Variants in RIMS2 observed in about 807,000 individuals in gnomAD.
RIMS2 encodes regulating synaptic membrane exocytosis protein 2.
In RIMS2, 59 loss-of-function variants were observed where a neutral mutation model predicts 174.4. The ratio of observed to expected loss-of-function variants is 0.34; its 90% CI spans 0.27 to 0.42. The LOEUF (loss-of-function observed/expected upper bound fraction) is 0.42, where lower values mean the gene tolerates loss of function less well. RIMS2 is among the 10% of genes least tolerant of loss of function. RIMS2 has a pLI of 1.00. For missense variants in RIMS2, 1,620 were observed against 1,666.3 expected (o/e 0.97, Z 0.48); for synonymous variants, 606 against 572.5 (o/e 1.06, Z -0.84).
At chr8:103,825,862 T>A (rs1255663548) in intron 3 of RIMS2, among the ~76,000 whole-genome samples, 1 of 152,170 alleles carries the variant, frequency 6.6e-6, no homozygotes, top group Non-Finnish European at 1.5e-5. Context: ...TTTTCTTTAT[T>A]GAAAGAAGTT....
chr8:103,636,786 G>GC (rs1353500438), intron 1 of RIMS2, among the ~76,000 whole-genome samples: 306 of 27,146 alleles, frequency 0.011, 3 homozygotes, highest in South Asian at 0.014. Context: ...ACCCACCCCC[G>GC]CACCCCCCCC....
At chr8:104,166,360 C>G (rs2098798400) in intron 19 of RIMS2, among the ~76,000 whole-genome samples, 1 of 152,010 alleles carries the variant, frequency 6.6e-6, no homozygotes, top group Non-Finnish European at 1.5e-5. Context: ...GCCACCGGGC[C>G]CGGCCTGGAT....
At chr8:103,780,616 A>G (rs764548436) in intron 3 of RIMS2, among the ~76,000 whole-genome samples, 50 of 152,016 alleles carry the variant, frequency 3.3e-4, no homozygotes, top group Non-Finnish European at 7.2e-4. Context: ...TTGTTGCTAA[A>G]TTTCTCAGAT....
intron 1 of RIMS2, among the ~76,000 whole-genome samples, chr8:103,599,140 T>C (rs917487615): frequency 6.6e-6 from 1 of 152,026 alleles, no homozygotes; most frequent in Non-Finnish European, 1.5e-5. Context: ...ACAATAACAC[T>C]ACTGCTACTA....
intron 1 of RIMS2, among the ~76,000 whole-genome samples, chr8:103,667,124 GA>G (rs2096680880): frequency 6.6e-6 from 1 of 152,154 alleles, no homozygotes; most frequent in African/African-American, 2.4e-5. Flanking sequence ...GAATAAGCTA[GA>G]TAAAGCATCT....
intron 16 of RIMS2, among the ~76,000 whole-genome samples, chr8:103,986,796 C>T (rs1192847219): frequency 6.6e-6 from 1 of 151,566 alleles, no homozygotes; most frequent in Non-Finnish European, 1.5e-5. Flanking sequence ...TCGCTTGTAC[C>T]TGGGAGGTGG....
intron 3 of RIMS2, among the ~76,000 whole-genome samples, chr8:103,800,767 T>A (rs1195703948): frequency 6.6e-6 from 1 of 152,192 alleles, no homozygotes; most frequent in Non-Finnish European, 1.5e-5. Flanking sequence ...TTTATGTTCA[T>A]GAGGGAGAGT....
At chr8:103,946,324 T>C (rs1382262338) in intron 14 of RIMS2, among the ~76,000 whole-genome samples, 1 of 152,134 alleles carries the variant, frequency 6.6e-6, no homozygotes, top group Non-Finnish European at 1.5e-5. Flanking sequence ...AAACCCCATC[T>C]TTACTAACAG....
At chr8:103,843,611 G>C (rs1362525320) in intron 3 of RIMS2, among the ~76,000 whole-genome samples, 3 of 152,024 alleles carry the variant, frequency 2.0e-5, no homozygotes, top group African/African-American at 7.2e-5. Context: ...GTTTTGTAGG[G>C]AGCTAAGTGA....
intron 19 of RIMS2, among the ~76,000 whole-genome samples, chr8:104,182,723 T>A (rs202067584): frequency 6.6e-6 from 1 of 151,774 alleles, no homozygotes; most frequent in East Asian, 1.9e-4. Flanking sequence ...AGTGCTCAGT[T>A]GCCATGTGTG....
At chr8:103,879,137 T>C (rs996085291) in intron 3 of RIMS2, among the ~76,000 whole-genome samples, 16 of 151,466 alleles carry the variant, frequency 1.1e-4, no homozygotes, top group Non-Finnish European at 2.2e-4. Context: ...ATTGGAGCCC[T>C]AGAAAGATCA....
chr8:103,870,135 G>T (rs76107675), intron 3 of RIMS2, among the ~76,000 whole-genome samples: 1 of 144,384 alleles, frequency 6.9e-6, no homozygotes, highest in Non-Finnish European at 1.5e-5. Context: ...AAGGACAGCT[G>T]TTTTTTTTTT....
intron 19 of RIMS2, among the ~76,000 whole-genome samples, chr8:104,099,417 A>G (rs970674747): frequency 1.3e-5 from 2 of 152,152 alleles, no homozygotes; most frequent in African/African-American, 2.4e-5. Context: ...TTTATTACCA[A>G]TGAAAACCTT....
chr8:103,808,829 A>G (rs1051771984), intron 3 of RIMS2, among the ~76,000 whole-genome samples: 1 of 152,148 alleles, frequency 6.6e-6, no homozygotes. Context: ...TGCCTGGACT[A>G]TTACATTAGC....
intron 19 of RIMS2, among the ~76,000 whole-genome samples, chr8:104,221,787 G>T (rs190911660): frequency 6.6e-6 from 1 of 152,260 alleles, no homozygotes; most frequent in East Asian, 1.9e-4. Context: ...ATTATTACTT[G>T]TATGCATTTT....
At chr8:104,022,908 A>G (rs1373256885) in intron 19 of RIMS2, among the ~76,000 whole-genome samples, 1 of 152,212 alleles carries the variant, frequency 6.6e-6, no homozygotes, top group Admixed American at 6.5e-5. Flanking sequence ...TAATGAATAA[A>G]TTTGTAAGAT....
intron 3 of RIMS2, among the ~76,000 whole-genome samples, chr8:103,817,106 T>A (rs1202113080): frequency 6.6e-6 from 1 of 152,192 alleles, no homozygotes; most frequent in Non-Finnish European, 1.5e-5. Context: ...CTTGTAGAAA[T>A]TGACCTTTCA....
chr8:103,826,642 T>A (rs1348955403), intron 3 of RIMS2, among the ~76,000 whole-genome samples: 1 of 150,820 alleles, frequency 6.6e-6, no homozygotes, highest in Non-Finnish European at 1.5e-5. Context: ...GTTCTTTTTG[T>A]CCAATAGGTT....
chr8:104,066,589 C>T (rs2097109561), intron 19 of RIMS2, among the ~76,000 whole-genome samples: 1 of 152,026 alleles, frequency 6.6e-6, no homozygotes, highest in Non-Finnish European at 1.5e-5. Context: ...TTTTGAAGTA[C>T]AAAGAATTCC....
Sources: gnomAD v4.1 joint callset for allele counts (sites outside exome capture counted in the v4.1 genomes callset) on GRCh38, gnomAD v4.1.1 for gene constraint, MANE v1.5 for transcripts, NCBI Gene and HGNC (gene_info 2026-07-23, HGNC 2026-07-21) for gene names.